The following JAZF1 variants were observed in gnomAD, a reference collection of about 807,000 sequenced individuals.
JAZF1 encodes the protein juxtaposed with another zinc finger protein 1.
JAZF1 carries 8 observed loss-of-function variants against 26.4 expected under a neutral mutation model. The observed-to-expected ratio is 0.30, with a 90% confidence interval of 0.18 to 0.55. JAZF1 has a LOEUF of 0.55. Ranked by LOEUF, JAZF1 falls within the 20% of genes least tolerant of loss-of-function variation. The pLI is 0.94. For missense variants in JAZF1, 199 were observed against 322.0 expected, an observed-to-expected ratio of 0.62 and a Z score of 2.92; for synonymous variants, 126 against 122.3, an observed-to-expected ratio of 1.03 and a Z score of -0.20.
chr7:27,855,757 GATTCACAGCTGA>G (rs1244691025), intron 3 of JAZF1, among the ~76,000 whole-genome samples: 1 of 152,152 alleles, frequency 6.6e-6, no homozygotes, highest in East Asian at 1.9e-4. Context: ...GGACCAGATG[GATTCACAGCTGA>G]ATTCTACCAC....
At chr7:27,975,309 T>C (rs1785450998) in intron 2 of JAZF1, among the ~76,000 whole-genome samples, 1 of 152,052 alleles carries the variant, frequency 6.6e-6, no homozygotes, top group African/African-American at 2.4e-5. Flanking sequence ...GAACTCATGA[T>C]CTCAAGGACA....
intron 1 of JAZF1, among the ~76,000 whole-genome samples, chr7:28,128,581 G>A (rs896985193): frequency 1.7e-4 from 26 of 152,012 alleles, no homozygotes; most frequent in African/African-American, 5.8e-4. Context: ...TTAGAAATCT[G>A]GCAGTGGCCC....
intron 1 of JAZF1, among the ~76,000 whole-genome samples, chr7:28,071,395 A>C (rs1213629001): frequency 6.6e-6 from 1 of 152,240 alleles, no homozygotes; most frequent in Non-Finnish European, 1.5e-5. Context: ...TTAGTGGCTA[A>C]ATGCAAATTC....
Position 28,166,129 on chromosome 7 carries a change from A to ATAT in JAZF1, c.115+14333_115+14334insATA, listed in dbSNP as rs574556947. 1.5e-3 allele frequency among the ~76,000 whole-genome samples: 232 copies of ATAT among 152,064 alleles called. 3 individuals carry two copies. The East Asian group carries it at 0.017, about 11-fold the overall frequency. On this transcript the variant is annotated intron_variant, in intron 1 of 4. Coordinates refer to ENST00000283928, the MANE Select transcript of JAZF1 (RefSeq NM_175061.4). ...CCTTGGTTACATATATATATATATA[A>ATAT]AAAAAGTTGGAAACCACTTTCTTAC... is the stretch of plus-strand genomic sequence containing the variant.
chr7:28,101,926 A>G (rs1254551681), intron 1 of JAZF1, among the ~76,000 whole-genome samples: 1 of 152,134 alleles, frequency 6.6e-6, no homozygotes, highest in Non-Finnish European at 1.5e-5. Context: ...TTTTAGATAT[A>G]TTTTTAACAG....
At chr7:28,126,793 G>A (rs1782703351) in intron 1 of JAZF1, among the ~76,000 whole-genome samples, 1 of 152,182 alleles carries the variant, frequency 6.6e-6, no homozygotes, top group African/African-American at 2.4e-5. Context: ...AAAGGAAGGG[G>A]AGGGGAGGAG....
intron 2 of JAZF1, among the ~76,000 whole-genome samples, chr7:27,989,379 A>C (rs1029945181): frequency 6.6e-6 from 1 of 152,196 alleles, no homozygotes; most frequent in African/African-American, 2.4e-5. Flanking sequence ...ATAGGCATGG[A>C]CAAGGACTTC....
intron 3 of JAZF1, among the ~76,000 whole-genome samples, chr7:27,857,531 G>C (rs181676243): frequency 2.6e-5 from 4 of 152,370 alleles, no homozygotes; most frequent in African/African-American, 9.6e-5. Context: ...CGCCGAGAGC[G>C]AGCTAGGGCT....
intron 3 of JAZF1, among the ~76,000 whole-genome samples, chr7:27,879,876 A>G (rs879345751): frequency 6.6e-6 from 1 of 152,162 alleles, no homozygotes; most frequent in Admixed American, 6.5e-5. Context: ...AGGAGCCACA[A>G]ATTGCCATCT....
At chr7:28,051,131 C>CAAAAAAAA (rs775277755) in intron 1 of JAZF1, among the ~76,000 whole-genome samples, 2 of 96,534 alleles carry the variant, frequency 2.1e-5, no homozygotes, top group African/African-American at 4.0e-5. Flanking sequence ...GACTCCATCT[C>CAAAAAAAA]AAAAAAAAAA....
intron 2 of JAZF1, among the ~76,000 whole-genome samples, chr7:27,982,072 T>G (rs1785594937): frequency 6.6e-6 from 1 of 152,270 alleles, no homozygotes; most frequent in Non-Finnish European, 1.5e-5. Flanking sequence ...GGGTGATTTC[T>G]GCATTTCCAA....
chr7:28,128,803 C>T (rs1408374766), intron 1 of JAZF1, among the ~76,000 whole-genome samples: 1 of 152,200 alleles, frequency 6.6e-6, no homozygotes, highest in Non-Finnish European at 1.5e-5. Flanking sequence ...GTACCTCCTG[C>T]ATGATGGCAC....
intron 3 of JAZF1, among the ~76,000 whole-genome samples, chr7:27,852,988 A>G (rs1248275287): frequency 1.3e-5 from 2 of 152,204 alleles, no homozygotes; most frequent in Non-Finnish European, 2.9e-5. Context: ...AATTGCATGC[A>G]GTAAGAAGTC....
chr7:28,095,650 T>C (rs1283195501), intron 1 of JAZF1, among the ~76,000 whole-genome samples: 2 of 152,194 alleles, frequency 1.3e-5, no homozygotes, highest in African/African-American at 4.8e-5. Flanking sequence ...CTGCTCATCT[T>C]CAGTCCACCT....
chr7:28,154,346 C>T (rs1783150034), intron 1 of JAZF1, among the ~76,000 whole-genome samples: 1 of 152,166 alleles, frequency 6.6e-6, no homozygotes. Context: ...AGGGTCCCTA[C>T]AGAAGTCTCC....
intron 3 of JAZF1, among the ~76,000 whole-genome samples, chr7:27,855,754 A>G (rs867474024): frequency 1.1e-3 from 172 of 152,294 alleles, no homozygotes; most frequent in African/African-American, 4.0e-3. Context: ...CCAGGACCAG[A>G]TGGATTCACA....
At chr7:28,093,180 T>C (rs1784330288) in intron 1 of JAZF1, among the ~76,000 whole-genome samples, 1 of 152,220 alleles carries the variant, frequency 6.6e-6, no homozygotes, top group Non-Finnish European at 1.5e-5. Flanking sequence ...CCAAATCTCA[T>C]ACTGAATTGT....
intron 1 of JAZF1, among the ~76,000 whole-genome samples, chr7:28,063,085 A>C (rs1783826110): frequency 6.6e-6 from 1 of 152,160 alleles, no homozygotes; most frequent in African/African-American, 2.4e-5. Context: ...CAAGCTCAGC[A>C]CCTTGCCTAC....
chr7:27,832,557 GCTTT>G lies in JAZF1; in HGVS notation c.*239_*242del. 1 of 309,784 alleles carries G rather than the reference GCTTT, an allele frequency of 3.2e-6. No homozygotes were observed. Among genetic ancestry groups the G allele is most frequent in the African/African-American group, 2.1e-5 (1 of 47,264 alleles). The allele number at this position is 309,784 out of a possible 1,614,324, so 19.2% of individuals were successfully genotyped here. On this transcript the variant is annotated 3_prime_UTR_variant, in exon 5 of 5. Coordinates refer to ENST00000283928, the MANE Select transcript of JAZF1 (RefSeq NM_175061.4). ...GGGGAAATGTGCTGAAGAACCTAGAGCTTTTTTTGTTTAGCACCTTATATCAAAG... is the reference window on the plus strand; with the variant it reads ...GGGGAAATGTGCTGAAGAACCTAGAGTTTTGTTTAGCACCTTATATCAAAG...
Sources: gnomAD v4.1 joint callset for allele counts (sites outside exome capture counted in the v4.1 genomes callset) on GRCh38, gnomAD v4.1.1 for gene constraint, MANE v1.5 for transcripts, NCBI Gene and HGNC (gene_info 2026-07-23, HGNC 2026-07-21) for gene names.